The following COLGALT2 variants were observed in gnomAD, a reference collection of about 807,000 sequenced individuals.
COLGALT2 encodes the protein collagen beta(1-O)galactosyltransferase 2.
In COLGALT2, 49 loss-of-function variants were observed where a neutral mutation model predicts 73.4. That is an observed-to-expected ratio of 0.67 (90% CI 0.53 to 0.85). The LOEUF (loss-of-function observed/expected upper bound fraction) is 0.85. COLGALT2 is among the 40% of genes least tolerant of loss of function. The pLI, the probability that COLGALT2 is intolerant of heterozygous loss-of-function variation, is 0.00. For missense variants in COLGALT2, 722 were observed against 790.2 expected (o/e 0.91, Z 1.03); for synonymous variants, 295 against 307.6 (o/e 0.96, Z 0.43).
At chr1:183,987,552 G>A (rs1671522111) in intron 1 of COLGALT2, among the ~76,000 whole-genome samples, 4 of 152,210 alleles carry the variant, frequency 2.6e-5, no homozygotes, top group Non-Finnish European at 5.9e-5. Context: ...ATAATTAACT[G>A]GTTCTATTTC....
chr1:183,980,929 G>T (rs1205318975), intron 1 of COLGALT2, among the ~76,000 whole-genome samples: 1 of 152,146 alleles, frequency 6.6e-6, no homozygotes, highest in African/African-American at 2.4e-5. Flanking sequence ...TGGACCTGAA[G>T]AAAAATCATG....
chr1:183,949,291 G>A (rs987215080), intron 8 of COLGALT2, among the ~76,000 whole-genome samples: 7 of 152,186 alleles, frequency 4.6e-5, no homozygotes, highest in South Asian at 2.1e-4. Flanking sequence ...AGACAAACTC[G>A]AAAAAGAATA....
chr1:184,010,048 G>T (rs1184691126), intron 1 of COLGALT2, among the ~76,000 whole-genome samples: 2 of 152,134 alleles, frequency 1.3e-5, no homozygotes, highest in African/African-American at 4.8e-5. Flanking sequence ...CAAGGGGGAG[G>T]ATCCTGCAAA....
intron 3 of COLGALT2, 37 bp downstream of exon 3, chr1:183,975,060 G>T (rs1167654988): frequency 1.3e-5 from 19 of 1,427,220 alleles, no homozygotes; most frequent in Non-Finnish European, 1.8e-5. Flanking sequence ...ATACACCTGA[G>T]ATGACAGTTG....
intron 1 of COLGALT2, among the ~76,000 whole-genome samples, chr1:184,031,219 T>C (rs1399248582): frequency 6.6e-6 from 1 of 152,206 alleles, no homozygotes; most frequent in East Asian, 1.9e-4. Context: ...CAATATGAAC[T>C]GAAAATGTAG....
In COLGALT2 at chr1:183,937,215, G is replaced by T; in HGVS notation, c.*1546C>A. 1 of 1,213,038 alleles carries T rather than the reference G, an allele frequency of 8.2e-7. No individual in the cohort carries two copies. 75.1% of individuals were successfully genotyped at this position (1,213,038 alleles called of 1,614,324 possible). On this transcript the variant is annotated 3_prime_UTR_variant, in exon 12 of 12. Transcript: ENST00000361927. ...AAGCTCAGGGTTTGGGGTGTGCACG[G>T]CCCCCCATATGGCTGCATGGTGCAT...
chr1:183,979,028 A>T (rs1245251837), intron 1 of COLGALT2, among the ~76,000 whole-genome samples: 1 of 152,198 alleles, frequency 6.6e-6, no homozygotes, highest in East Asian at 1.9e-4. Flanking sequence ...GTGAAGCTAC[A>T]ATAATAATTC....
At chr1:183,995,850 C>A (rs111821124) in intron 1 of COLGALT2, among the ~76,000 whole-genome samples, 62 of 152,148 alleles carry the variant, frequency 4.1e-4, no homozygotes, top group African/African-American at 1.5e-3. Flanking sequence ...TTGAATCTTA[C>A]ATTTTACTTT....
chr1:183,993,656 T>C (rs1280074032), intron 1 of COLGALT2, among the ~76,000 whole-genome samples: 2 of 152,192 alleles, frequency 1.3e-5, no homozygotes, highest in East Asian at 3.8e-4. Flanking sequence ...AGGCATACTT[T>C]AGTCTCTAGC....
chr1:184,025,265 C>T (rs1649299711), intron 1 of COLGALT2, among the ~76,000 whole-genome samples: 1 of 152,202 alleles, frequency 6.6e-6, no homozygotes, highest in African/African-American at 2.4e-5. Flanking sequence ...GTCTTTGATG[C>T]CCGTCAAAGC....
intron 1 of COLGALT2, among the ~76,000 whole-genome samples, chr1:184,024,348 CTT>C (rs1222255666): frequency 6.7e-6 from 1 of 149,684 alleles, no homozygotes; most frequent in Non-Finnish European, 1.5e-5. Context: ...CAGCTTTTTT[CTT>C]TTTCTTTTTC....
At chr1:184,007,991 C>T (rs984838035) in intron 1 of COLGALT2, among the ~76,000 whole-genome samples, 6 of 152,168 alleles carry the variant, frequency 3.9e-5, no homozygotes, top group African/African-American at 1.4e-4. Flanking sequence ...TTCCTGCTAA[C>T]TAAGAACTAA....
At position 183,963,968 on chromosome 1, in the gene COLGALT2, G is replaced by A. The variant is rs200284718; in HGVS notation, c.885C>T (p.Pro295=). The A allele has an allele frequency of 6.2e-7, 1 of 1,613,578 alleles. No homozygotes were observed. The highest frequency in any genetic ancestry group is 8.5e-7 in the Non-Finnish European group (1 of 1,179,728). Residue 295 remains proline (P), a synonymous_variant, in exon 6 of 12, where the codon CCC becomes CCT. Transcript: ENST00000361927. ...CCTGCAGTGTCTGATGGGGCTTCAGGGGGATGGGCAGGTAGCCATAGTGCT... is the reference window on the plus strand; with the variant it reads ...CCTGCAGTGTCTGATGGGGCTTCAGAGGGATGGGCAGGTAGCCATAGTGCT... ...NREHYGYLPI[P]LKPHQTLQED...
At chr1:183,942,259 A>C (rs1339679083) in intron 10 of COLGALT2, among the ~76,000 whole-genome samples, 1 of 152,142 alleles carries the variant, frequency 6.6e-6, no homozygotes, top group African/African-American at 2.4e-5. Flanking sequence ...AGTTTACTTA[A>C]ACAGCTGAAA....
At position 183,965,468 on chromosome 1, in the gene COLGALT2, G is replaced by A. The variant is rs146221272; in HGVS notation, c.833-1448C>T. Among the ~76,000 whole-genome samples the A allele has an allele frequency of 2.7e-3, 415 of 152,234 alleles. 4 individuals are homozygous for A. The highest frequency in any genetic ancestry group is 9.1e-3 in the African/African-American group (377 of 41,530). On this transcript the variant is annotated intron_variant, in intron 5 of 11. Transcript: ENST00000361927. ...CTGCTGGATGATGTGAGAGAAGGACGAGGAGGAAAGGAAGGAAGAGGAGGA... is the reference window on the plus strand; with the variant it reads ...CTGCTGGATGATGTGAGAGAAGGACAAGGAGGAAAGGAAGGAAGAGGAGGA...
chr1:184,007,101 G>A (rs1672106917), intron 1 of COLGALT2, among the ~76,000 whole-genome samples: 1 of 152,236 alleles, frequency 6.6e-6, no homozygotes, highest in African/African-American at 2.4e-5. Flanking sequence ...ATTAAAATGT[G>A]CAGTATGGGT....
At chr1:184,019,648 G>A (rs186250494) in intron 1 of COLGALT2, among the ~76,000 whole-genome samples, 63 of 152,314 alleles carry the variant, frequency 4.1e-4, no homozygotes, top group Admixed American at 5.2e-4. Context: ...TTGAGACTCA[G>A]AACTTAAGTA....
chr1:183,967,671 G>A (rs140616067), intron 5 of COLGALT2, among the ~76,000 whole-genome samples: 68 of 152,308 alleles, frequency 4.5e-4, no homozygotes, highest in Non-Finnish European at 3.7e-4. Flanking sequence ...AGTGTCATTC[G>A]TGTAATTGTT....
Position 183,937,391 on chromosome 1 carries a change from G to T in COLGALT2, c.*1370C>A, listed in dbSNP as rs377754990. On this transcript the variant is annotated 3_prime_UTR_variant, in exon 12 of 12. Coordinates refer to ENST00000361927, the MANE Select transcript of COLGALT2 (RefSeq NM_015101.4). ...ACAGATTGTGGAGTGGGAAGAAATC[G>T]TGTAGTCCAACTCTGCATTTTACAT... The T allele has an allele frequency of 1.0e-6, 1 of 995,232 alleles. No individual in the cohort carries two copies. The highest frequency in any genetic ancestry group is 1.2e-6 in the Non-Finnish European group (1 of 836,826). 61.7% of individuals were successfully genotyped at this position (995,232 alleles called of 1,614,324 possible).
Sources: gnomAD v4.1 joint callset for allele counts (sites outside exome capture counted in the v4.1 genomes callset) on GRCh38, gnomAD v4.1.1 for gene constraint, MANE v1.5 for transcripts, NCBI Gene and HGNC (gene_info 2026-07-23, HGNC 2026-07-21) for gene names.